ALPP: variants seen among roughly 807,000 people sequenced by gnomAD.
ALPP encodes the protein alkaline phosphatase, placental.
A neutral mutation model predicts 50.7 loss-of-function variants in ALPP; 39 were observed. The ratio of observed to expected loss-of-function variants is 0.77; its 90% CI spans 0.60 to 1.00. The LOEUF (loss-of-function observed/expected upper bound fraction) is 1.00. ALPP is among the 50% of genes least tolerant of loss of function. ALPP has a pLI of 0.00. For synonymous variants in ALPP, 226 were observed against 320.3 expected (o/e 0.71, Z 3.14); for missense variants, 550 against 746.8 (o/e 0.74, Z 3.07).
At chr2:232,378,931 C>G (rs1267361519) in intron 1 of ALPP, 40 bp from the exon 2 acceptor site, 1 of 1,614,124 alleles carries the variant, frequency 6.2e-7, no homozygotes, top group Non-Finnish European at 8.5e-7. Flanking sequence ...GGGCACCCCC[C>G]AGCCCAGGCT....
chr2:232,381,481 T>G lies in ALPP; in HGVS notation c.1310-16T>G. 6.2e-7 allele frequency: 1 copy of G among 1,613,006 alleles called. No homozygotes were observed. Among genetic ancestry groups the G allele is most frequent in the African/African-American group, 1.3e-5 (1 of 75,026 alleles). On this transcript the variant is annotated splice_polypyrimidine_tract_variant and intron_variant, in intron 10 of 10. Transcript: ENST00000392027. The stretch of plus-strand genomic sequence containing the variant: ...ACTGAATGAACCCTCCTACCGGAAC[T>G]GAACCCTCCAACCAGGGAGCCCCGA...
rs1696674299 is a variant in ALPP at position 232,379,913 on chromosome 2, C to T, written c.634C>T (p.Leu212Phe). 1.2e-6 allele frequency: 2 copies of T among 1,611,236 alleles called. No individual in the cohort carries two copies. Residue 212 changes from leucine to phenylalanine, a missense_variant, in exon 5 of 11, where the codon CTC becomes TTC. By Grantham distance (22) the Leu-to-Phe change is conservative. This residue lies in a region of ALPP where 376 missense variants were observed against 388.5 expected (regional missense o/e 0.97). Coordinates refer to ENST00000392027, the MANE Select transcript of ALPP (RefSeq NM_001632.5). Reference sequence around the variant, plus strand: ...GGGGTGCCAGGACATCGCTACGCAGCTCATCTCCAACATGGACATTGACGT... The same window carrying T: ...GGGGTGCCAGGACATCGCTACGCAGTTCATCTCCAACATGGACATTGACGT... The part of the protein sequence containing the change: ...QEGCQDIATQ[L>F]ISNMDIDVIL...
rs755552673 is a variant in ALPP at position 232,381,575 on chromosome 2, C to T, written c.1388C>T (p.Ala463Val). Residue 463 changes from alanine to valine, a missense_variant, in exon 11 of 11, where the codon GCG (alanine) becomes GTG (valine). By Grantham distance (64) the Ala-to-Val change is moderately conservative (BLOSUM62 0). Around this residue, in one of 5 missense-constraint regions of ALPP, gnomAD observed 155 missense variants for 167.6 expected, o/e 0.92. Transcript: ENST00000392027. ...GCAGGCGAGGACGTGGCGGTGTTCG[C>T]GCGCGGCCCGCAGGCGCACCTGGTT... ...THAGEDVAVF[A>V]RGPQAHLVHG... is the part of the protein sequence containing the mutation. 1 of 1,612,594 alleles carries T rather than the reference C, an allele frequency of 6.2e-7. No individual in the cohort carries two copies. Among genetic ancestry groups the T allele is most frequent in the Non-Finnish European group, 8.5e-7 (1 of 1,179,724 alleles).
chr2:232,381,807 C>A lies in ALPP; in HGVS notation c.*12C>A, dbSNP rs772098579. The A allele has an allele frequency of 1.9e-6, 3 of 1,555,280 alleles. No individual in the cohort carries two copies. The South Asian group carries it at 3.6e-5, about 18-fold the overall frequency. ...CCACTGCTCCCTGAGTGTCCCGTCC[C>A]TGGGGCTCCTGCTTCCCCATCCCGG... On this transcript the variant is annotated 3_prime_UTR_variant, in exon 11 of 11. Coordinates refer to ENST00000392027, the MANE Select transcript of ALPP (RefSeq NM_001632.5).
chr2:232,382,105 G>C lies in ALPP; in HGVS notation c.*310G>C, dbSNP rs1696729770. On this transcript the variant is annotated 3_prime_UTR_variant, in exon 11 of 11. Transcript: ENST00000392027. ...CCACCTACAGCCCAGTGGGTACCAG[G>C]CAGGCTCCCTTCCTGGGGAAAAGAA... 2.0e-6 allele frequency: 1 copy of C among 508,302 alleles called. No individual in the cohort carries two copies. The highest frequency in any genetic ancestry group is 2.0e-5 in the African/African-American group (1 of 50,812). The allele number at this position is 508,302 out of a possible 1,614,324, so 31.5% of individuals were successfully genotyped here. A position where few individuals can be genotyped will look rare whatever the true frequency, so the allele number is the denominator to read the frequency against.
At chr2:232,381,391 T>C (rs1439489169) in intron 10 of ALPP, 24 bp downstream of exon 10, 1 of 1,613,656 alleles carries the variant, frequency 6.2e-7, no homozygotes, top group East Asian at 2.2e-5. Context: ...GGTGGCCCCC[T>C]GAGGGGGACC....
Position 232,379,465 on chromosome 2 carries a change from G to T in ALPP, c.310-48G>T, listed in dbSNP as rs776177204. On this transcript the variant is annotated intron_variant, in intron 3 of 10. Transcript: ENST00000392027. The stretch of plus-strand genomic sequence containing the variant: ...CCAGAGGACAGAGATCAGGGTCTGG[G>T]TCTCCGTGTCTGCCCCAGAGAAGAG... 966 of 1,610,240 alleles carry T rather than the reference G, an allele frequency of 6.0e-4. 12 individuals are homozygous for T. In the African/African-American group the frequency reaches 0.012, roughly 20 times the overall value.
intron 9 of ALPP, 105 bp from the exon 10 acceptor site, chr2:232,381,146 C>T: frequency 6.2e-7 from 1 of 1,603,508 alleles, no homozygotes; most frequent in Non-Finnish European, 8.5e-7. Flanking sequence ...TGTAGGGTCT[C>T]CTGAGGACTA....
Position 232,378,789 on chromosome 2 carries a change from G to T in ALPP, c.-14G>T. On this transcript the variant is annotated 5_prime_UTR_variant, in exon 1 of 11. Transcript: ENST00000392027. ...AGAATTCCTGCCTCGCCACTGTCCT[G>T]CTGCCCTCCAGACATGCTGGGGCCC... 6.2e-7 allele frequency: 1 copy of T among 1,613,286 alleles called. No homozygotes were observed. The highest frequency in any genetic ancestry group is 8.5e-7 in the Non-Finnish European group (1 of 1,179,578).
rs1206646601 is a variant in ALPP, at chr2:232,379,937, G to T, written c.657+1G>T. The T allele has an allele frequency of 6.2e-7, 1 of 1,602,630 alleles. No individual in the cohort carries two copies. On this transcript the variant is annotated splice_donor_variant, in intron 5 of 10. Coordinates refer to ENST00000392027, the MANE Select transcript of ALPP (RefSeq NM_001632.5). LOFTEE classifies it high-confidence loss of function. The stretch of plus-strand genomic sequence containing the variant: ...GCTCATCTCCAACATGGACATTGAC[G>T]TGCGACCCCCAGGCCAAGGGCTGGG...
At chr2:232,380,064 A>G (rs1696677368) in intron 5 of ALPP, 122 bp from the exon 6 acceptor site, 7 of 1,572,956 alleles carry the variant, frequency 4.5e-6, no homozygotes, top group African/African-American at 1.4e-5. Context: ...TGGGCGTAGA[A>G]GGTGCAGCCC....
Position 232,382,193 on chromosome 2 carries a change from G to T in ALPP, c.*398G>T. ...TCCTTGAATCACCTGTGGGACTTGAGGACTCGGGATCTTCAGGACGCCTGG... is the reference window on the plus strand; with the variant it reads ...TCCTTGAATCACCTGTGGGACTTGATGACTCGGGATCTTCAGGACGCCTGG... On this transcript the variant is annotated 3_prime_UTR_variant, in exon 11 of 11. Coordinates refer to ENST00000392027, the MANE Select transcript of ALPP (RefSeq NM_001632.5). 1 of 255,630 alleles carries T rather than the reference G, an allele frequency of 3.9e-6. No homozygotes were observed. Among genetic ancestry groups the T allele is most frequent in the Non-Finnish European group, 7.4e-6 (1 of 135,464 alleles). 15.8% of individuals were successfully genotyped at this position (255,630 alleles called of 1,614,324 possible). A position where few individuals can be genotyped will look rare whatever the true frequency, so the allele number is the denominator to read the frequency against.
At position 232,382,040 on chromosome 2, in the gene ALPP, C is replaced by A; in HGVS notation, c.*245C>A. 1.5e-6 allele frequency: 1 copy of A among 672,472 alleles called. No homozygotes were observed. The highest frequency in any genetic ancestry group is 2.8e-5 in the East Asian group (1 of 35,674). The allele number at this position is 672,472 out of a possible 1,614,324, so 41.7% of individuals were successfully genotyped here. A position where few individuals can be genotyped will look rare whatever the true frequency, so the allele number is the denominator to read the frequency against. On this transcript the variant is annotated 3_prime_UTR_variant, in exon 11 of 11. Transcript: ENST00000392027. ...ACTGCAGGTTGTGCCCTGTGGCTGC[C>A]TGCACCCCAGGAAAGGAGGGGGCTC...
chr2:232,380,608 C>G lies in ALPP; in HGVS notation c.866-15C>G, dbSNP rs762389477. The G allele has an allele frequency of 6.2e-7, 1 of 1,613,876 alleles. No individual in the cohort carries two copies. Among genetic ancestry groups the G allele is most frequent in the Non-Finnish European group, 8.5e-7 (1 of 1,179,976 alleles). On this transcript the variant is annotated splice_polypyrimidine_tract_variant and intron_variant, in intron 7 of 10. Transcript: ENST00000392027. Reference sequence around the variant, plus strand: ...CCCCAGCCTGCCAGTCACCACAGGACCCCTTGTCCCACAGGTCTCTTTGAG... The same window carrying G: ...CCCCAGCCTGCCAGTCACCACAGGAGCCCTTGTCCCACAGGTCTCTTTGAG...
In ALPP at chr2:232,380,211, A is replaced by G. The variant is rs755444774; in HGVS notation, c.683A>G (p.Tyr228Cys). The G allele has an allele frequency of 6.2e-6, 10 of 1,614,094 alleles. No individual in the cohort carries two copies. ...IDVILGGGRKYMFRMGTPDPE... is the reference protein window; with the variant it reads ...IDVILGGGRKCMFRMGTPDPE... ...GTGATCCTAGGTGGAGGCCGAAAGT[A>G]CATGTTTCGCATGGGAACCCCAGAC... The change falls in exon 6 of 11, where the codon TAC (tyrosine) becomes TGC (cysteine). Residue 228 changes from tyrosine to cysteine, a missense_variant. Tyr to Cys is a radical substitution (Grantham distance 194, BLOSUM62 -2). This residue lies in a region of ALPP where 376 missense variants were observed against 388.5 expected (regional missense o/e 0.97). Transcript: ENST00000392027.
rs572913027 is a variant in ALPP at position 232,379,986 on chromosome 2, G to C, written c.657+50G>C. 142 of 1,574,914 alleles carry C rather than the reference G, an allele frequency of 9.0e-5. 5 individuals carry two copies. The South Asian group carries it at 1.6e-3, about 17-fold the overall frequency. Reference sequence around the variant, plus strand: ...GGGCTGGGCAGAGAGTAGCAGGGAGGGGGCACTAGCTCAGACCCAGGCAAC... The same window carrying C: ...GGGCTGGGCAGAGAGTAGCAGGGAGCGGGCACTAGCTCAGACCCAGGCAAC... On this transcript the variant is annotated intron_variant, in intron 5 of 10. Coordinates refer to ENST00000392027, the MANE Select transcript of ALPP (RefSeq NM_001632.5).
At chr2:232,379,146 A>C in intron 2 of ALPP, 54 bp from the exon 3 acceptor site, 2 of 1,614,038 alleles carry the variant, frequency 1.2e-6, no homozygotes, top group Non-Finnish European at 1.7e-6. Context: ...CCGGACCCTC[A>C]GTGGTTCCAG....
intron 4 of ALPP, 31 bp from the exon 5 acceptor site, chr2:232,379,733 G>T: frequency 1.2e-6 from 2 of 1,614,032 alleles, no homozygotes; most frequent in South Asian, 2.2e-5. Flanking sequence ...CACAGACGTT[G>T]GTCACATATA....
chr2:232,379,736 C>G (rs1180366990), intron 4 of ALPP, 28 bp from the exon 5 acceptor site: 6 of 1,614,020 alleles, frequency 3.7e-6, no homozygotes, highest in Non-Finnish European at 5.1e-6. Context: ...AGACGTTGGT[C>G]ACATATACTG....
Sources: allele counts gnomAD v4.1 joint callset, GRCh38; gene constraint gnomAD v4.1.1; regional missense constraint gnomAD v4.1.1; transcripts MANE v1.5; gene names NCBI Gene and HGNC (gene_info 2026-07-23, HGNC 2026-07-21).